SKAP2: variants seen among roughly 807,000 people sequenced by gnomAD.
The protein encoded by SKAP2 is src kinase-associated phosphoprotein 2.
Under a neutral mutation model 54.9 loss-of-function variants are expected in SKAP2, and 28 were observed. The observed-to-expected ratio is 0.51, with a 90% CI of 0.38 to 0.70. The LOEUF (loss-of-function observed/expected upper bound fraction) is 0.70. SKAP2 is among the 30% of genes least tolerant of loss of function. The probability of loss-of-function intolerance (pLI) is 0.00; values close to 1 mark genes in which losing one functional copy is unlikely to be tolerated. For synonymous variants in SKAP2, 137 were observed against 134.3 expected, an observed-to-expected ratio of 1.02 and a Z score of -0.14; for missense variants, 356 against 424.1, an observed-to-expected ratio of 0.84 and a Z score of 1.41.
intron 4 of SKAP2, among the ~76,000 whole-genome samples, chr7:26,824,533 T>C (rs993936802): frequency 6.6e-6 from 1 of 151,760 alleles, no homozygotes; most frequent in African/African-American, 2.4e-5. Context: ...AATTTGTAAC[T>C]TGGCCTATCA....
intron 4 of SKAP2, chr7:26,742,437 G>A (rs892196428): frequency 9.9e-5 from 15 of 152,122 alleles, no homozygotes; most frequent in African/African-American, 3.6e-4. Context: ...GGGGGAAAAG[G>A]AAAAGGAGAA....
intron 4 of SKAP2, among the ~76,000 whole-genome samples, chr7:26,756,671 T>A (rs938954631): frequency 6.6e-6 from 1 of 152,198 alleles, no homozygotes; most frequent in African/African-American, 2.4e-5. Flanking sequence ...GCAGCATGAT[T>A]TATAATCCTT....
intron 4 of SKAP2, among the ~76,000 whole-genome samples, chr7:26,824,638 T>C (rs1429931073): frequency 6.6e-6 from 1 of 152,194 alleles, no homozygotes; most frequent in Non-Finnish European, 1.5e-5. Flanking sequence ...TGGACAAACT[T>C]TTTTAGTAAA....
intron 4 of SKAP2, among the ~76,000 whole-genome samples, chr7:26,814,337 T>G (rs1784220414): frequency 6.6e-6 from 1 of 152,160 alleles, no homozygotes. Flanking sequence ...CATGAATCAT[T>G]TCACTGACAT....
chr7:26,829,151 T>C (rs1395402848), intron 4 of SKAP2, among the ~76,000 whole-genome samples: 1 of 152,206 alleles, frequency 6.6e-6, no homozygotes, highest in Non-Finnish European at 1.5e-5. Context: ...AACCTGTAGA[T>C]ACTGAGAAAA....
At chr7:26,739,412 G>A (rs964371333) in intron 5 of SKAP2, among the ~76,000 whole-genome samples, 1 of 152,180 alleles carries the variant, frequency 6.6e-6, no homozygotes, top group African/African-American at 2.4e-5. Flanking sequence ...TATTGGTGTT[G>A]AAAGAGTGAG....
At chr7:26,815,610 A>G (rs187775101) in intron 4 of SKAP2, among the ~76,000 whole-genome samples, 304 of 152,240 alleles carry the variant, frequency 2.0e-3, no homozygotes, top group Non-Finnish European at 3.5e-3. Context: ...AATTAAGTCT[A>G]CAGATTGGCA....
chr7:26,680,465 T>C (rs921121579), intron 11 of SKAP2, among the ~76,000 whole-genome samples: 1 of 152,174 alleles, frequency 6.6e-6, no homozygotes, highest in African/African-American at 2.4e-5. Context: ...CTTAAGGAAA[T>C]ACAGGTTTTC....
chr7:26,746,479 C>T (rs1413540351), intron 4 of SKAP2: 1 of 152,084 alleles, frequency 6.6e-6, no homozygotes, highest in East Asian at 1.9e-4. Context: ...GAAACCTACA[C>T]TTAACTTGGA....
intron 4 of SKAP2, among the ~76,000 whole-genome samples, chr7:26,808,565 T>C (rs1784075211): frequency 6.6e-6 from 1 of 152,154 alleles, no homozygotes; most frequent in South Asian, 2.1e-4. Context: ...CTCAACATTG[T>C]GAATATACTT....
At chr7:26,752,601 T>C (rs1782710665) in intron 4 of SKAP2, among the ~76,000 whole-genome samples, 1 of 152,170 alleles carries the variant, frequency 6.6e-6, no homozygotes, top group Admixed American at 6.6e-5. Flanking sequence ...TTCTGGTAAA[T>C]ATTAAATCTC....
In SKAP2 at chr7:26,824,156, C is replaced by T. The variant is rs554671464; in HGVS notation, c.307+19874G>A. On this transcript the variant is annotated intron_variant, in intron 4 of 12. Transcript: ENST00000345317. ...TCTTTATTTAAGAAACTGCCACAGC[C>T]CCCCAACCTTCAGCAGCCATCCACA... Among the ~76,000 whole-genome samples the T allele has an allele frequency of 8.5e-5, 13 of 152,072 alleles. No individual in the cohort carries two copies. In the South Asian group the frequency reaches 1.9e-3, roughly 22 times the overall value.
intron 11 of SKAP2, among the ~76,000 whole-genome samples, chr7:26,682,094 C>A (rs1272834446): frequency 2.6e-5 from 4 of 152,162 alleles, no homozygotes; most frequent in African/African-American, 9.7e-5. Flanking sequence ...CACTGCGAGG[C>A]ACCTAAAAAT....
intron 9 of SKAP2, among the ~76,000 whole-genome samples, chr7:26,717,890 A>T (rs1054969668): frequency 7.2e-5 from 11 of 151,862 alleles, no homozygotes; most frequent in South Asian, 2.1e-4. Flanking sequence ...ATATTTTTTT[A>T]AAAGTGTCAA....
chr7:26,762,231 T>C (rs1782948894), intron 4 of SKAP2, among the ~76,000 whole-genome samples: 1 of 152,066 alleles, frequency 6.6e-6, no homozygotes, highest in Non-Finnish European at 1.5e-5. Context: ...AACGTACCAC[T>C]GCACTCCAGC....
chr7:26,799,575 A>G (rs1259379332), intron 4 of SKAP2, among the ~76,000 whole-genome samples: 3 of 152,204 alleles, frequency 2.0e-5, no homozygotes, highest in Non-Finnish European at 1.5e-5. Flanking sequence ...ATATTATCAG[A>G]GCTAAAGAAA....
chr7:26,794,829 T>A (rs1174664344), intron 4 of SKAP2, among the ~76,000 whole-genome samples: 6 of 152,152 alleles, frequency 3.9e-5, no homozygotes, highest in Non-Finnish European at 8.8e-5. Context: ...GTGGATATCT[T>A]GTCCAGCCCA....
intron 8 of SKAP2, 97 bp from the exon 9 acceptor site, chr7:26,725,662 C>T (rs1787689800): frequency 9.4e-6 from 11 of 1,175,768 alleles, no homozygotes; most frequent in African/African-American, 3.1e-5. Flanking sequence ...AAAGCAACAA[C>T]AATATTGTTA....
chr7:26,659,124 T>C, the SKAP2 span, among the ~76,000 whole-genome samples: 3 of 152,176 alleles, frequency 2.0e-5, no homozygotes, highest in African/African-American at 7.2e-5. Flanking sequence ...TTAAAGGAAA[T>C]TATTGCATTT....
Sources: gnomAD v4.1 joint callset for allele counts (sites outside exome capture counted in the v4.1 genomes callset) on GRCh38, gnomAD v4.1.1 for gene constraint, MANE v1.5 for transcripts, NCBI Gene and HGNC (gene_info 2026-07-23, HGNC 2026-07-21) for gene names.